DOCK4: variants seen among roughly 807,000 people sequenced by gnomAD.
DOCK4 encodes dedicator of cytokinesis 4.
A neutral mutation model predicts 268.1 loss-of-function variants in DOCK4; 97 were observed. That is an observed-to-expected ratio of 0.36 (90% CI 0.31 to 0.43). The LOEUF (loss-of-function observed/expected upper bound fraction) is 0.43, where lower values mean the gene tolerates loss of function less well. Ranked by LOEUF, DOCK4 falls within the 20% of genes least tolerant of loss-of-function variation. The pLI, the probability that DOCK4 is intolerant of heterozygous loss-of-function variation, is 1.00. For missense variants in DOCK4, 2,145 were observed against 2,455.7 expected, an observed-to-expected ratio of 0.87 and a Z score of 2.67; for synonymous variants, 954 against 887.2, an observed-to-expected ratio of 1.08 and a Z score of -1.34.
At chr7:111,762,767 T>TTTC (rs1563469511) in intron 39 of DOCK4, among the ~76,000 whole-genome samples, 1,199 of 94,086 alleles carry the variant, frequency 0.013, 43 homozygotes, top group African/African-American at 0.051. Flanking sequence ...GTTTTCTTTT[T>TTTC]TTTTTTTTTT....
chr7:111,903,088 A>G (rs1259928523), intron 13 of DOCK4, among the ~76,000 whole-genome samples: 1 of 152,222 alleles, frequency 6.6e-6, no homozygotes, highest in Non-Finnish European at 1.5e-5. Flanking sequence ...TATGTCTACA[A>G]TTGGGAGTTT....
At chr7:112,163,309 C>G (rs1487457207) in intron 1 of DOCK4, among the ~76,000 whole-genome samples, 1 of 152,022 alleles carries the variant, frequency 6.6e-6, no homozygotes, top group Non-Finnish European at 1.5e-5. Context: ...CCTCTGTGCA[C>G]AGCATGCTCC....
chr7:112,185,514 AG>A (rs1408579709), intron 1 of DOCK4, among the ~76,000 whole-genome samples: 2 of 152,148 alleles, frequency 1.3e-5, no homozygotes, highest in African/African-American at 4.8e-5. Context: ...TTCTACAAAC[AG>A]GAAAGGGATG....
intron 42 of DOCK4, among the ~76,000 whole-genome samples, chr7:111,749,081 A>G (rs552949941): frequency 6.6e-6 from 1 of 152,298 alleles, no homozygotes; most frequent in African/African-American, 2.4e-5. Context: ...AGAAGTCAGG[A>G]TAGTGACTAC....
In DOCK4 at chr7:112,086,614, T is replaced by G. The variant is rs146190141; in HGVS notation, c.38-82483A>C. On this transcript the variant is annotated intron_variant, in intron 1 of 52. Transcript: ENST00000428084. ...GTGGTTGCCAAAAATCTAGCAAATG[T>G]TGGTTTCCCATTAGGATCAGAAGTA... Among the ~76,000 whole-genome samples, 11 of 152,260 alleles carry G rather than the reference T, an allele frequency of 7.2e-5. 1 individual carries two copies. The East Asian group carries it at 2.1e-3, about 29-fold the overall frequency.
intron 1 of DOCK4, among the ~76,000 whole-genome samples, chr7:112,085,185 T>C (rs1270800452): frequency 2.6e-5 from 4 of 152,098 alleles, no homozygotes; most frequent in Admixed American, 6.6e-5. Context: ...AAGAACTTCA[T>C]AGCTTCCCCT....
intron 35 of DOCK4, among the ~76,000 whole-genome samples, chr7:111,780,775 C>A (rs1047662211): frequency 2.6e-5 from 4 of 152,194 alleles, no homozygotes; most frequent in Admixed American, 1.3e-4. Flanking sequence ...ATGAAGAGAA[C>A]CACATTGCTA....
intron 12 of DOCK4, among the ~76,000 whole-genome samples, chr7:111,919,762 T>A (rs1028342353): frequency 1.3e-5 from 2 of 152,166 alleles, no homozygotes; most frequent in Admixed American, 6.5e-5. Flanking sequence ...AATCATCAAA[T>A]CTTTCCACAA....
At chr7:112,147,204 C>T (rs937533245) in intron 1 of DOCK4, among the ~76,000 whole-genome samples, 1 of 152,130 alleles carries the variant, frequency 6.6e-6, no homozygotes, top group African/African-American at 2.4e-5. Flanking sequence ...GAAATATACA[C>T]AGGTGAACAG....
chr7:111,943,582 C>A (rs1257771166), intron 10 of DOCK4, among the ~76,000 whole-genome samples: 2 of 152,206 alleles, frequency 1.3e-5, no homozygotes, highest in Non-Finnish European at 2.9e-5. Flanking sequence ...CTACCTCTGC[C>A]ATCCTGAGAA....
At chr7:112,034,794 C>G (rs1803596499) in intron 1 of DOCK4, among the ~76,000 whole-genome samples, 1 of 152,088 alleles carries the variant, frequency 6.6e-6, no homozygotes, top group South Asian at 2.1e-4. Context: ...CCCGGCTACT[C>G]AGGAGGCTGA....
chr7:111,806,539 G>T lies in DOCK4; in HGVS notation c.3166+2282C>A, dbSNP rs145272330. On this transcript the variant is annotated intron_variant, in intron 30 of 52. Transcript: ENST00000428084. ...CTACGCTTGAACCACGTCATGCTGGGAATCTGTAAGTTGAGTATAAAGGAG... is the reference window on the plus strand; with the variant it reads ...CTACGCTTGAACCACGTCATGCTGGTAATCTGTAAGTTGAGTATAAAGGAG... Among the ~76,000 whole-genome samples the T allele has an allele frequency of 1.7e-4, 26 of 152,268 alleles. No homozygotes were observed. The East Asian group carries it at 4.6e-3, about 27-fold the overall frequency.
chr7:111,875,648 T>C (rs1187322688), intron 17 of DOCK4, among the ~76,000 whole-genome samples: 2 of 152,222 alleles, frequency 1.3e-5, no homozygotes, highest in East Asian at 1.9e-4. Context: ...GATGTGAAGA[T>C]GCTATGCTTC....
chr7:111,937,159 C>A (rs1794809483), intron 11 of DOCK4, among the ~76,000 whole-genome samples: 1 of 152,214 alleles, frequency 6.6e-6, no homozygotes. Flanking sequence ...ACTAAAGTAT[C>A]TTCCAGGCTC....
intron 1 of DOCK4, among the ~76,000 whole-genome samples, chr7:112,164,961 C>T (rs1817461880): frequency 6.6e-6 from 1 of 152,100 alleles, no homozygotes; most frequent in African/African-American, 2.4e-5. Flanking sequence ...TGTTATCTTT[C>T]TAAGAACTGG....
At chr7:111,742,449 C>A (rs1795981732) in intron 44 of DOCK4, among the ~76,000 whole-genome samples, 1 of 152,018 alleles carries the variant, frequency 6.6e-6, no homozygotes, top group Admixed American at 6.5e-5. Context: ...TCCTTTTGGC[C>A]CCTTCCTTCT....
At chr7:111,991,635 T>C (rs1799533248) in intron 5 of DOCK4, among the ~76,000 whole-genome samples, 1 of 152,024 alleles carries the variant, frequency 6.6e-6, no homozygotes, top group African/African-American at 2.4e-5. Flanking sequence ...CATGAGACCC[T>C]AGGTAAATTA....
intron 32 of DOCK4, among the ~76,000 whole-genome samples, chr7:111,784,858 C>T (rs1432339272): frequency 6.6e-6 from 1 of 152,156 alleles, no homozygotes; most frequent in Non-Finnish European, 1.5e-5. Flanking sequence ...TAATGATTGC[C>T]ATTTCTGTCT....
intron 23 of DOCK4, among the ~76,000 whole-genome samples, chr7:111,853,265 C>T (rs1804728690): frequency 6.6e-6 from 1 of 152,184 alleles, no homozygotes; most frequent in Admixed American, 6.5e-5. Flanking sequence ...CTGTGAGTTC[C>T]ATGGCAGCAC....
Sources: gnomAD v4.1 joint callset for allele counts (sites outside exome capture counted in the v4.1 genomes callset) on GRCh38, gnomAD v4.1.1 for gene constraint, MANE v1.5 for transcripts, NCBI Gene and HGNC (gene_info 2026-07-23, HGNC 2026-07-21) for gene names.